The following YWHAZ variants were observed in gnomAD, a reference collection of about 807,000 sequenced individuals.
YWHAZ encodes tyrosine 3-monooxygenase/tryptophan 5-monooxygenase activation protein zeta, also known as 14-3-3 protein zeta/delta.
For synonymous variants in YWHAZ, 87 were observed against 103.6 expected, an observed-to-expected ratio of 0.84 and a Z score of 0.97; for missense variants, 79 against 284.8, an observed-to-expected ratio of 0.28 and a Z score of 5.20.
chr8:100,950,664 GGGGGA>G, intron 1 of YWHAZ: 1 of 909,404 alleles, frequency 1.1e-6, no homozygotes, highest in Non-Finnish European at 1.3e-6. Flanking sequence ...CCGTGGGGGG[GGGGGA>G]GAGATGGGGA....
At chr8:100,928,727 C>A (rs1425266262) in intron 2 of YWHAZ, among the ~76,000 whole-genome samples, 1 of 151,492 alleles carries the variant, frequency 6.6e-6, no homozygotes, top group Non-Finnish European at 1.5e-5. Flanking sequence ...GAGTGAAACT[C>A]CGTCTTAAAA....
chr8:100,951,834 G>A, intron 1 of YWHAZ, 95 bp downstream of exon 1: 1 of 985,844 alleles, frequency 1.0e-6, no homozygotes, highest in Non-Finnish European at 1.2e-6. Flanking sequence ...CGCGGGGCGA[G>A]TGGGGATGAG....
upstream of YWHAZ, chr8:100,952,936 G>A (rs1810908642): frequency 1.9e-5 from 19 of 1,000,606 alleles, no homozygotes; most frequent in Non-Finnish European, 2.3e-5. Context: ...GCTGAGTGAT[G>A]GGGAGGCGTT....
chr8:100,931,734 T>C (rs1182040568), intron 2 of YWHAZ, among the ~76,000 whole-genome samples: 1 of 151,906 alleles, frequency 6.6e-6, no homozygotes, highest in Non-Finnish European at 1.5e-5. Context: ...TACTCACTGG[T>C]TGCTCAGTTA....
At chr8:100,940,263 T>A (rs566545440) in intron 2 of YWHAZ, among the ~76,000 whole-genome samples, 101 of 152,268 alleles carry the variant, frequency 6.6e-4, no homozygotes, top group Non-Finnish European at 5.4e-4. Flanking sequence ...TCCCTCACGA[T>A]GCTTTTTGTT....
In YWHAZ at chr8:100,917,111, T is replaced by C. The variant is rs1314567302; in HGVS notation, c.*3582A>G. 1 of 152,202 alleles carries C rather than the reference T, an allele frequency of 6.6e-6. No individual in the cohort carries two copies. The highest frequency in any genetic ancestry group is 1.5e-5 in the Non-Finnish European group (1 of 68,038). 9.4% of individuals were successfully genotyped at this position (152,202 alleles called of 1,614,324 possible). A position where few individuals can be genotyped will look rare whatever the true frequency, so the allele number is the denominator to read the frequency against. On this transcript the variant is annotated 3_prime_UTR_variant, in exon 6 of 6. Transcript: ENST00000395958. ...TCAAAGTCAAAGTTTCACTCTCCATTTGAAGCCTGACTACAAATAACCTAA... is the reference window on the plus strand; with the variant it reads ...TCAAAGTCAAAGTTTCACTCTCCATCTGAAGCCTGACTACAAATAACCTAA...
Position 100,948,684 on chromosome 8 carries a change from G to C in YWHAZ, c.206C>G (p.Thr69Arg), listed in dbSNP as rs1298255501. ...CTGCTGTTTTTTCTCAGCACCTTCCGTCTTTTGTTCAATACTTGAGACGAC... is the reference window on the plus strand; with the variant it reads ...CTGCTGTTTTTTCTCAGCACCTTCCCTCTTTTGTTCAATACTTGAGACGAC... ...WRVVSSIEQK[T>R]EGAEKKQQMA... Residue 69 changes from threonine to arginine, a missense_variant, in exon 2 of 6, where the codon ACG becomes AGG. Thr to Arg is a moderately conservative substitution (Grantham distance 71, BLOSUM62 -1). Transcript: ENST00000395958. The surrounding 1 kb of genome is among the most constrained non-coding windows in gnomAD (Gnocchi z 4.2). 1.2e-6 allele frequency: 2 copies of C among 1,604,604 alleles called. No individual in the cohort carries two copies. The highest frequency in any genetic ancestry group is 2.7e-5 in the African/African-American group (2 of 74,762).
intron 2 of YWHAZ, chr8:100,935,150 TAAAAC>T (rs1185092162): frequency 2.0e-5 from 3 of 152,246 alleles, no homozygotes; most frequent in Non-Finnish European, 2.9e-5. Flanking sequence ...CCATCTCAAA[TAAAAC>T]AAACAATTAT....
intron 2 of YWHAZ, among the ~76,000 whole-genome samples, chr8:100,925,498 T>G (rs866228848): frequency 6.6e-6 from 1 of 151,672 alleles, no homozygotes; most frequent in African/African-American, 2.4e-5. Context: ...ACTTAAGGAG[T>G]CCATGCCAGA....
At chr8:100,934,347 G>T (rs1813982720) in intron 2 of YWHAZ, among the ~76,000 whole-genome samples, 1 of 149,144 alleles carries the variant, frequency 6.7e-6, no homozygotes, top group South Asian at 2.1e-4. Context: ...TTTAAAAGGA[G>T]GGTCTGGCTA....
At chr8:100,931,991 C>G (rs1813796571) in intron 2 of YWHAZ, 1 of 152,212 alleles carries the variant, frequency 6.6e-6, no homozygotes, top group Non-Finnish European at 1.5e-5. Flanking sequence ...AAACAACAGA[C>G]TTGTTAGGAA....
upstream of YWHAZ, chr8:100,952,688 G>A (rs1810890372): frequency 1.5e-6 from 1 of 688,786 alleles, no homozygotes; most frequent in Non-Finnish European, 1.8e-6. Context: ...ATCAGGACTT[G>A]CGGGGCGGGG....
At chr8:100,930,473 A>C (rs895589745) in intron 2 of YWHAZ, among the ~76,000 whole-genome samples, 1 of 152,224 alleles carries the variant, frequency 6.6e-6, no homozygotes, top group Non-Finnish European at 1.5e-5. Flanking sequence ...CAGTACCTTA[A>C]GTTTTTAAAC....
rs1376849923 is a variant in YWHAZ at position 100,916,809 on chromosome 8, G to C, written c.*3884C>G. 3 of 152,106 alleles carry C rather than the reference G, an allele frequency of 2.0e-5. No homozygotes were observed. Among genetic ancestry groups the C allele is most frequent in the African/African-American group, 7.2e-5 (3 of 41,406 alleles). 9.4% of individuals were successfully genotyped at this position (152,106 alleles called of 1,614,324 possible). On this transcript the variant is annotated 3_prime_UTR_variant, in exon 6 of 6. Coordinates refer to ENST00000395958, the MANE Select transcript of YWHAZ (RefSeq NM_145690.3). ...GACATCCTGTTACAATCTATATTCA[G>C]GTCTCTCCACTTTGAAAAGGAACTA...
chr8:100,938,599 C>A (rs1814372166), intron 2 of YWHAZ, among the ~76,000 whole-genome samples: 1 of 152,176 alleles, frequency 6.6e-6, no homozygotes, highest in African/African-American at 2.4e-5. Flanking sequence ...TTGTACAATT[C>A]TCTTATGCAG....
chr8:100,950,552 T>C (rs1175141794), intron 1 of YWHAZ: 4 of 985,468 alleles, frequency 4.1e-6, no homozygotes, highest in Non-Finnish European at 4.8e-6. Context: ...TCTCCTCCTT[T>C]GTCATGGCGG....
chr8:100,944,401 A>G (rs1198073313), intron 2 of YWHAZ, among the ~76,000 whole-genome samples: 1 of 152,246 alleles, frequency 6.6e-6, no homozygotes, highest in Non-Finnish European at 1.5e-5. Context: ...AACGTAGAGC[A>G]GCAATAAAAT....
At chr8:100,942,625 TA>T (rs1171113013) in intron 2 of YWHAZ, among the ~76,000 whole-genome samples, 2 of 152,106 alleles carry the variant, frequency 1.3e-5, no homozygotes, top group Non-Finnish European at 2.9e-5. Context: ...TAATCAAGAT[TA>T]AAATAAGTCC....
chr8:100,933,498 AT>A (rs576766187), intron 2 of YWHAZ, among the ~76,000 whole-genome samples: 1 of 151,944 alleles, frequency 6.6e-6, no homozygotes, highest in Non-Finnish European at 1.5e-5. Context: ...TTAAATATAT[AT>A]TTTTTTTGCC....
Sources: allele counts gnomAD v4.1 joint callset (sites outside exome capture counted in the v4.1 genomes callset), GRCh38; gene constraint gnomAD v4.1.1; non-coding constraint Gnocchi (gnomAD v3.1); transcripts MANE v1.5; gene names NCBI Gene and HGNC (gene_info 2026-07-23, HGNC 2026-07-21).